Variants in LRRTM4 observed in about 807,000 individuals in gnomAD.
LRRTM4 encodes the protein leucine-rich repeat transmembrane neuronal protein 4.
LRRTM4 carries 25 observed loss-of-function variants against 47.6 expected under a neutral mutation model. The ratio of observed to expected loss-of-function variants is 0.53; its 90% CI spans 0.38 to 0.73. The LOEUF (loss-of-function observed/expected upper bound fraction) is 0.73. Ranked by LOEUF, LRRTM4 falls within the 30% of genes least tolerant of loss-of-function variation. The pLI, the probability that LRRTM4 is intolerant of heterozygous loss-of-function variation, is 0.00. For synonymous variants in LRRTM4, 311 were observed against 269.5 expected (o/e 1.15, Z -1.51); for missense variants, 638 against 713.4 (o/e 0.89, Z 1.20).
chr2:77,057,455 A>C (rs2103790123), intron 3 of LRRTM4, among the ~76,000 whole-genome samples: 1 of 152,372 alleles, frequency 6.6e-6, no homozygotes, highest in South Asian at 2.1e-4. Flanking sequence ...ACCACTAATT[A>C]GAGGAATAAC....
intron 3 of LRRTM4, among the ~76,000 whole-genome samples, chr2:77,057,881 G>C (rs1679660813): frequency 6.6e-6 from 1 of 152,136 alleles, no homozygotes; most frequent in Non-Finnish European, 1.5e-5. Context: ...AGAGATTCAT[G>C]AAACTTAGAG....
chr2:77,221,730 G>C (rs1167060493), intron 3 of LRRTM4, among the ~76,000 whole-genome samples: 6 of 151,950 alleles, frequency 3.9e-5, no homozygotes, highest in Non-Finnish European at 8.8e-5. Context: ...CCTACAAAGA[G>C]ACTTAGACTC....
chr2:76,980,081 C>CTACATAACTAAAATTATAA (rs1476799354), intron 3 of LRRTM4, among the ~76,000 whole-genome samples: 2 of 152,138 alleles, frequency 1.3e-5, no homozygotes, highest in Non-Finnish European at 1.5e-5. Flanking sequence ...CAGACTATCT[C>CTACATAACTAAAATTATAA]TACATAACTA....
chr2:76,792,623 G>T (rs1675036285), intron 3 of LRRTM4, among the ~76,000 whole-genome samples: 1 of 152,050 alleles, frequency 6.6e-6, no homozygotes, highest in African/African-American at 2.4e-5. Context: ...GCTGCTTTAT[G>T]GGTAGTAATG....
chr2:77,072,801 A>C lies in LRRTM4; in HGVS notation c.1552-323885T>G, dbSNP rs1232417560. Among the ~76,000 whole-genome samples, 9 of 26,546 alleles carry C rather than the reference A, an allele frequency of 3.4e-4. No homozygotes were observed. In the South Asian group the frequency reaches 9.0e-3, roughly 26 times the overall value. The allele number at this position is 26,546 out of a possible 152,430, so 17.4% of individuals were successfully genotyped here. ...GCGACAGAGTGAGACTCCGTCTTCCAAAAAAAAAAAAAAAAAAAAAAACAA... is the reference window on the plus strand; with the variant it reads ...GCGACAGAGTGAGACTCCGTCTTCCCAAAAAAAAAAAAAAAAAAAAAACAA... On this transcript the variant is annotated intron_variant, in intron 3 of 3. Transcript: ENST00000409884.
intron 3 of LRRTM4, among the ~76,000 whole-genome samples, chr2:76,918,285 A>G (rs1394606699): frequency 2.0e-5 from 3 of 152,232 alleles, no homozygotes; most frequent in African/African-American, 7.2e-5. Context: ...CTTGTAGCAA[A>G]TAAATATCAA....
At chr2:77,233,771 G>A (rs1248870324) in intron 3 of LRRTM4, among the ~76,000 whole-genome samples, 1 of 115,250 alleles carries the variant, frequency 8.7e-6, no homozygotes, top group African/African-American at 2.7e-5. Context: ...TCTGTTTGTT[G>A]CTGTTGTTGT....
intron 3 of LRRTM4, among the ~76,000 whole-genome samples, chr2:77,043,911 A>ATT (rs200387608): frequency 3.6e-4 from 53 of 147,706 alleles, no homozygotes; most frequent in African/African-American, 1.1e-3. Flanking sequence ...AGGTAAAAAC[A>ATT]TTTTTTTTTT....
chr2:77,135,217 T>C (rs1306169273), intron 3 of LRRTM4, among the ~76,000 whole-genome samples: 7 of 152,140 alleles, frequency 4.6e-5, no homozygotes, highest in Non-Finnish European at 7.4e-5. Flanking sequence ...TCACTACTCA[T>C]AGGTTGAATA....
chr2:77,038,108 G>C (rs1014591970), intron 3 of LRRTM4, among the ~76,000 whole-genome samples: 1 of 151,494 alleles, frequency 6.6e-6, no homozygotes, highest in Admixed American at 6.6e-5. Flanking sequence ...AATATTTATT[G>C]ATGAATATCT....
intron 3 of LRRTM4, among the ~76,000 whole-genome samples, chr2:76,960,388 T>C (rs1454500048): frequency 6.6e-6 from 1 of 151,652 alleles, no homozygotes; most frequent in Non-Finnish European, 1.5e-5. Context: ...AAAATAAGCA[T>C]TATAATTATT....
intron 3 of LRRTM4, among the ~76,000 whole-genome samples, chr2:76,818,481 C>T (rs1670963098): frequency 6.6e-6 from 1 of 151,814 alleles, no homozygotes; most frequent in South Asian, 2.1e-4. Flanking sequence ...TAAGATTCCT[C>T]CTGGAGTGAG....
chr2:77,015,542 T>C (rs1573453860), intron 3 of LRRTM4, among the ~76,000 whole-genome samples: 2 of 151,940 alleles, frequency 1.3e-5, no homozygotes, highest in South Asian at 4.2e-4. Flanking sequence ...GTCAGGCTGG[T>C]CTCGAACTCC....
intron 3 of LRRTM4, among the ~76,000 whole-genome samples, chr2:77,303,248 C>T (rs765396086): frequency 5.5e-4 from 84 of 151,594 alleles, no homozygotes; most frequent in Non-Finnish European, 4.3e-4. Flanking sequence ...GCAACAAGAG[C>T]GAAACTCCAT....
chr2:77,413,159 T>C (rs1474380026), intron 3 of LRRTM4, among the ~76,000 whole-genome samples: 1 of 152,178 alleles, frequency 6.6e-6, no homozygotes, highest in African/African-American at 2.4e-5. Context: ...AGTTCAGTAC[T>C]TGCATCATTA....
At chr2:76,771,502 GAGCTCCCACCACTTTTTTAAGT>G (rs1233233607) in intron 3 of LRRTM4, among the ~76,000 whole-genome samples, 2 of 152,116 alleles carry the variant, frequency 1.3e-5, no homozygotes, top group African/African-American at 4.8e-5. Context: ...TTTAACCACT[GAGCTCCCACCACTTTTTTAAGT>G]AGCTGCCTGG....
chr2:76,862,727 A>C (rs879502526), intron 3 of LRRTM4, among the ~76,000 whole-genome samples: 9 of 152,246 alleles, frequency 5.9e-5, no homozygotes, highest in Non-Finnish European at 1.0e-4. Flanking sequence ...TTTCTCTGTT[A>C]AACTGGATTT....
At chr2:77,508,160 G>GA (rs1678850184) in intron 3 of LRRTM4, among the ~76,000 whole-genome samples, 1 of 152,102 alleles carries the variant, frequency 6.6e-6, no homozygotes, top group South Asian at 2.1e-4. Context: ...GCTATACTAT[G>GA]AAAAATGTAT....
chr2:76,974,207 TATAC>T (rs201593318), intron 3 of LRRTM4, among the ~76,000 whole-genome samples: 4,200 of 82,794 alleles, frequency 0.051, 250 homozygotes, highest in African/African-American at 0.23. Flanking sequence ...CATATATATA[TATAC>T]ACATATATAT....
Sources: allele counts gnomAD v4.1 joint callset (sites outside exome capture counted in the v4.1 genomes callset), GRCh38; gene constraint gnomAD v4.1.1; transcripts MANE v1.5; gene names NCBI Gene and HGNC (gene_info 2026-07-23, HGNC 2026-07-21).